TMEM108: variants seen among roughly 807,000 people sequenced by gnomAD.
The protein encoded by TMEM108 is cancer/testis antigen 124.
Under a neutral mutation model 35.1 loss-of-function variants are expected in TMEM108, and 12 were observed. That is an observed-to-expected ratio of 0.34 (90% CI 0.22 to 0.55). The LOEUF (loss-of-function observed/expected upper bound fraction) is 0.55, where lower values mean the gene tolerates loss of function less well. TMEM108 is among the 20% of genes least tolerant of loss of function. TMEM108 has a pLI of 0.89. For missense variants in TMEM108, 680 were observed against 753.3 expected, an observed-to-expected ratio of 0.90 and a Z score of 1.14; for synonymous variants, 287 against 308.6, an observed-to-expected ratio of 0.93 and a Z score of 0.73.
intron 2 of TMEM108, among the ~76,000 whole-genome samples, chr3:133,166,752 G>A (rs745852066): frequency 6.6e-6 from 1 of 152,340 alleles, no homozygotes; most frequent in South Asian, 2.1e-4. Context: ...CAGACCCAAA[G>A]AGTGAGCAGC....
At chr3:133,355,080 A>G (rs561818311) in intron 3 of TMEM108, among the ~76,000 whole-genome samples, 1 of 152,274 alleles carries the variant, frequency 6.6e-6, no homozygotes, top group South Asian at 2.1e-4. Flanking sequence ...AGTGAGACCT[A>G]TTTCCACCCA....
At chr3:133,129,355 C>A (rs796678372) in intron 2 of TMEM108, among the ~76,000 whole-genome samples, 1 of 134,406 alleles carries the variant, frequency 7.4e-6, no homozygotes, top group Non-Finnish European at 1.6e-5. Context: ...CACACCCCCC[C>A]CCCCAAAAAA....
chr3:133,299,448 C>G (rs1040657359), intron 3 of TMEM108, among the ~76,000 whole-genome samples: 1 of 152,010 alleles, frequency 6.6e-6, no homozygotes, highest in Admixed American at 6.6e-5. Context: ...GAAGGAGGTG[C>G]TAAGGGGACT....
At chr3:133,237,498 G>C (rs1427374169) in intron 3 of TMEM108, among the ~76,000 whole-genome samples, 2 of 152,074 alleles carry the variant, frequency 1.3e-5, no homozygotes, top group Non-Finnish European at 2.9e-5. Flanking sequence ...TTAGCTGCTT[G>C]TCATCTGATA....
chr3:133,311,979 A>C (rs1427427010), intron 3 of TMEM108, among the ~76,000 whole-genome samples: 1 of 152,202 alleles, frequency 6.6e-6, no homozygotes, highest in Non-Finnish European at 1.5e-5. Flanking sequence ...TCTCAGCTGC[A>C]GGTCTGTTGG....
chr3:133,132,196 T>C (rs1576335934), intron 2 of TMEM108, among the ~76,000 whole-genome samples: 2 of 152,266 alleles, frequency 1.3e-5, no homozygotes, highest in Middle Eastern at 6.8e-3. Context: ...CATTAAACAC[T>C]AAACAACAAA....
At chr3:133,192,327 C>T (rs749678660) in intron 2 of TMEM108, among the ~76,000 whole-genome samples, 1 of 152,136 alleles carries the variant, frequency 6.6e-6, no homozygotes, top group Non-Finnish European at 1.5e-5. Flanking sequence ...TTGAGCAGTA[C>T]TTTTCTGAGG....
intron 2 of TMEM108, among the ~76,000 whole-genome samples, chr3:133,181,026 A>AAC (rs1201864494): frequency 6.2e-5 from 9 of 145,278 alleles, no homozygotes; most frequent in African/African-American, 2.5e-4. Context: ...AAAAAAAAAA[A>AAC]AAAAAAAAAA....
At chr3:133,116,616 G>A (rs147616077) in intron 2 of TMEM108, among the ~76,000 whole-genome samples, 96 of 152,140 alleles carry the variant, frequency 6.3e-4, no homozygotes, top group African/African-American at 2.1e-3. Flanking sequence ...TCCCCTCAAG[G>A]CAAATATCAG....
chr3:133,238,243 T>TTGTCTAGC (rs1258902149), intron 3 of TMEM108, among the ~76,000 whole-genome samples: 1 of 152,016 alleles, frequency 6.6e-6, no homozygotes, highest in African/African-American at 2.4e-5. Context: ...TGTTTTCTTT[T>TTGTCTAGC]TGTCTAGCTT....
At chr3:133,279,415 C>T (rs1244162919) in intron 3 of TMEM108, among the ~76,000 whole-genome samples, 1 of 152,198 alleles carries the variant, frequency 6.6e-6, no homozygotes, top group Non-Finnish European at 1.5e-5. Context: ...ATTAGGACAG[C>T]CTGTCCGGTC....
intron 3 of TMEM108, among the ~76,000 whole-genome samples, chr3:133,310,677 A>G (rs1220806676): frequency 2.0e-5 from 3 of 150,704 alleles, no homozygotes; most frequent in Admixed American, 6.6e-5. Flanking sequence ...ACTCCGTCCA[A>G]TTTGCCAGTC....
chr3:133,175,011 G>T (rs530169057), intron 2 of TMEM108, among the ~76,000 whole-genome samples: 1 of 152,180 alleles, frequency 6.6e-6, no homozygotes, highest in Non-Finnish European at 1.5e-5. Flanking sequence ...ACCAAGGCAC[G>T]AGAACTATGT....
At chr3:133,087,616 A>C (rs1327234288) in intron 2 of TMEM108, among the ~76,000 whole-genome samples, 1 of 152,198 alleles carries the variant, frequency 6.6e-6, no homozygotes, top group Non-Finnish European at 1.5e-5. Flanking sequence ...TTCTGACATT[A>C]AGATTGGTTA....
At chr3:133,221,859 C>G (rs1945997867) in intron 2 of TMEM108, among the ~76,000 whole-genome samples, 1 of 151,710 alleles carries the variant, frequency 6.6e-6, no homozygotes, top group East Asian at 1.9e-4. Flanking sequence ...CAGTTTACAT[C>G]TTTTATATTG....
chr3:133,330,268 G>T (rs911415977), intron 3 of TMEM108, among the ~76,000 whole-genome samples: 4 of 152,196 alleles, frequency 2.6e-5, no homozygotes, highest in African/African-American at 9.6e-5. Flanking sequence ...AGTTGCTATG[G>T]AGAGCAGCTG....
At position 133,277,317 on chromosome 3, in the gene TMEM108, G is replaced by C. The variant is rs543742057; in HGVS notation, c.40+47966G>C. On this transcript the variant is annotated intron_variant, in intron 3 of 5. Coordinates refer to ENST00000321871, the MANE Select transcript of TMEM108 (RefSeq NM_023943.4). ...TTTCTTTATAGTTTCAAATGGCTCA[G>C]AAAAAAAAATACAGTCATGCATATC... 1.2e-4 allele frequency among the ~76,000 whole-genome samples: 18 copies of C among 150,518 alleles called. No homozygotes were observed. The South Asian group carries it at 1.7e-3, about 14-fold the overall frequency.
At chr3:133,360,026 A>AT (rs1237546772) in intron 3 of TMEM108, among the ~76,000 whole-genome samples, 3 of 151,768 alleles carry the variant, frequency 2.0e-5, no homozygotes, top group Non-Finnish European at 2.9e-5. Context: ...AAAAAAAAAA[A>AT]AGCAAACCAC....
At chr3:133,314,452 C>G (rs1452365253) in intron 3 of TMEM108, among the ~76,000 whole-genome samples, 2 of 152,226 alleles carry the variant, frequency 1.3e-5, no homozygotes, top group African/African-American at 4.8e-5. Flanking sequence ...ATTTCCAGAT[C>G]AACTCCAATT....
Sources: gnomAD v4.1 joint callset for allele counts (sites outside exome capture counted in the v4.1 genomes callset) on GRCh38, gnomAD v4.1.1 for gene constraint, MANE v1.5 for transcripts, NCBI Gene and HGNC (gene_info 2026-07-23, HGNC 2026-07-21) for gene names.